Variants in PCDH7 observed in about 807,000 individuals in gnomAD.
PCDH7 encodes the protein protocadherin-7.
PCDH7 carries 17 observed loss-of-function variants against 58.9 expected under a neutral mutation model. The observed-to-expected ratio is 0.29, with a 90% confidence interval of 0.20 to 0.43. The LOEUF is 0.43. Among genes scored for constraint, PCDH7 ranks in the 20% least tolerant of loss-of-function variants. The probability of loss-of-function intolerance (pLI) is 1.00; values close to 1 mark genes in which losing one functional copy is unlikely to be tolerated. For synonymous variants in PCDH7, 664 were observed against 616.4 expected (o/e 1.08, Z -1.14); for missense variants, 1,274 against 1,441.0 (o/e 0.88, Z 1.88).
At position 30,722,234 on chromosome 4, in the gene PCDH7, G is replaced by A. The variant is rs752559162; in HGVS notation, c.812G>A (p.Arg271His). ...AAGGGGGCGCTGGACCGCGAGCAGC[G>A]CGACTCCTACGAGCTGACCCTGCGA... The change falls in exon 1 of 2, where the codon CGC (arginine) becomes CAC (histidine). Residue 271 changes from arginine to histidine, a missense_variant. Arg to His is a conservative substitution (Grantham distance 29). Transcript: ENST00000361762. This position sits in a 1 kb window ranked among gnomAD's most constrained non-coding sequence, Gnocchi z 7.6. 1.0e-5 allele frequency: 16 copies of A among 1,592,638 alleles called. No homozygotes were observed. The South Asian group carries it at 1.5e-4, about 15-fold the overall frequency.
intron 3 of PCDH7, among the ~76,000 whole-genome samples, chr4:31,026,414 C>T (rs1331728611): frequency 6.6e-6 from 1 of 152,152 alleles, no homozygotes; most frequent in Non-Finnish European, 1.5e-5. Flanking sequence ...GTTGAGATAA[C>T]AACAGTGGGC....
chr4:31,142,712 T>C (rs764975517), exon 4 of PCDH7: 66 of 1,367,552 alleles, frequency 4.8e-5, no homozygotes, highest in Non-Finnish European at 6.1e-5. Flanking sequence ...AAAGTTGACC[T>C]CATCCTATGA....
intron 1 of PCDH7, among the ~76,000 whole-genome samples, chr4:30,889,038 A>G (rs1225467512): frequency 6.7e-6 from 1 of 149,608 alleles, no homozygotes; most frequent in Non-Finnish European, 1.5e-5. Flanking sequence ...AAACTTATCC[A>G]GGCTTGGCGG....
At chr4:31,058,002 A>C (rs1005100506) in intron 3 of PCDH7, among the ~76,000 whole-genome samples, 6 of 152,100 alleles carry the variant, frequency 3.9e-5, no homozygotes, top group Non-Finnish European at 5.9e-5. Flanking sequence ...TTAAATATCC[A>C]ATTAAGTTGA....
At chr4:30,774,779 G>A (rs6820710) in intron 1 of PCDH7, among the ~76,000 whole-genome samples, 61,046 of 152,052 alleles carry the variant, frequency 0.4, 13,347 homozygotes, top group African/African-American at 0.58. Context: ...CTCAGAGGCC[G>A]TCATTCTCCT....
Position 30,721,593 on chromosome 4 carries a change from C to T in PCDH7, c.171C>T (p.Ile57=). The change falls in exon 1 of 2, where the codon ATC becomes ATT. Residue 57 remains isoleucine, a synonymous_variant. Coordinates refer to ENST00000361762, the Ensembl canonical transcript of PCDH7. This position sits in a 1 kb window ranked among gnomAD's most constrained non-coding sequence, Gnocchi z 6.7. ...GCAACGTGGCTTCAGACCTGGGCAT[C>T]GTGACCGGATCGGGTGAGGTGACTT... is the stretch of plus-strand genomic sequence containing the variant. 2 of 1,610,696 alleles carry T rather than the reference C, an allele frequency of 1.2e-6. No individual in the cohort carries two copies. The highest frequency in any genetic ancestry group is 8.5e-7 in the Non-Finnish European group (1 of 1,179,870).
At chr4:31,143,919 G>T (rs1048668365), downstream of PCDH7, 7 of 152,136 alleles carry the variant, frequency 4.6e-5, no homozygotes. Context: ...TAGGCAATTG[G>T]TTGAGGTTCA....
At position 31,102,124 on chromosome 4, in the gene PCDH7, G is replaced by A. The variant is rs115920495; in HGVS notation, c.*8-40349G>A. ...AGGTATCATTCTTAGAATTGTTACT[G>A]TAAATGAAAACTAGTATATCTGGTA... On this transcript the variant is annotated intron_variant, in intron 3 of 3. Coordinates refer to the PCDH7 transcript ENST00000509759. 6.8e-3 allele frequency among the ~76,000 whole-genome samples: 1,030 copies of A among 152,024 alleles called. 7 individuals carry two copies. Among genetic ancestry groups the A allele is most frequent in the African/African-American group, 0.017 (720 of 41,478 alleles).
chr4:31,112,124 C>T (rs1286393064), intron 3 of PCDH7, among the ~76,000 whole-genome samples: 2 of 152,158 alleles, frequency 1.3e-5, no homozygotes, highest in Non-Finnish European at 2.9e-5. Context: ...TTCTTTCAAT[C>T]CCATTTGACT....
downstream of PCDH7, among the ~76,000 whole-genome samples, chr4:30,737,455 C>G (rs1475154645): frequency 6.6e-6 from 1 of 152,096 alleles, no homozygotes; most frequent in African/African-American, 2.4e-5. Context: ...GAGGTTGAGG[C>G]TGCAGTCACC....
chr4:30,730,297 T>G (rs116367639), intron 1 of PCDH7, among the ~76,000 whole-genome samples: 2,143 of 152,128 alleles, frequency 0.014, 44 homozygotes, highest in African/African-American at 0.049. Flanking sequence ...TTTTCTTAGT[T>G]TTTTTAAAAA....
intron 3 of PCDH7, among the ~76,000 whole-genome samples, chr4:30,993,202 G>A (rs1751604036): frequency 6.6e-6 from 1 of 152,146 alleles, no homozygotes; most frequent in Non-Finnish European, 1.5e-5. Context: ...AAAGTTGGGG[G>A]AGCTAAGGTA....
intron 3 of PCDH7, among the ~76,000 whole-genome samples, chr4:31,088,471 T>C (rs1382160981): frequency 1.3e-5 from 2 of 152,058 alleles, no homozygotes; most frequent in Admixed American, 6.6e-5. Context: ...CCTTTCTTTA[T>C]ATCTCATACG....
chr4:31,077,947 A>T (rs1225429751), intron 3 of PCDH7, among the ~76,000 whole-genome samples: 1 of 152,208 alleles, frequency 6.6e-6, no homozygotes, highest in Non-Finnish European at 1.5e-5. Context: ...TAGGATCAGA[A>T]TTCTGATCCC....
chr4:30,982,076 C>A (rs1256176181), intron 3 of PCDH7, among the ~76,000 whole-genome samples: 1 of 152,032 alleles, frequency 6.6e-6, no homozygotes, highest in Non-Finnish European at 1.5e-5. Flanking sequence ...TCTTACCACA[C>A]AAAAAACGAT....
chr4:30,769,885 A>G (rs529340036), intron 1 of PCDH7, among the ~76,000 whole-genome samples: 2 of 152,360 alleles, frequency 1.3e-5, no homozygotes, highest in South Asian at 2.1e-4. Context: ...ACAAGGTGTG[A>G]TACTTTTAGT....
At chr4:30,891,289 A>T (rs1738570735) in intron 1 of PCDH7, among the ~76,000 whole-genome samples, 1 of 152,090 alleles carries the variant, frequency 6.6e-6, no homozygotes, top group African/African-American at 2.4e-5. Flanking sequence ...GTCAATCACT[A>T]AGCAAATGAG....
At chr4:30,730,303 A>T (rs990079393) in intron 1 of PCDH7, among the ~76,000 whole-genome samples, 6 of 151,850 alleles carry the variant, frequency 4.0e-5, no homozygotes, top group African/African-American at 1.2e-4. Context: ...TAGTTTTTTT[A>T]AAAAAACCCA....
intron 3 of PCDH7, among the ~76,000 whole-genome samples, chr4:31,036,100 G>A (rs780625439): frequency 4.6e-5 from 7 of 152,150 alleles, no homozygotes; most frequent in African/African-American, 1.7e-4. Context: ...AAAATGTGAA[G>A]GGTTTATTGT....
Sources: gnomAD v4.1 joint callset for allele counts (sites outside exome capture counted in the v4.1 genomes callset) on GRCh38, gnomAD v4.1.1 for gene constraint, Gnocchi (gnomAD v3.1) non-coding constraint, MANE v1.5 for transcripts, NCBI Gene and HGNC (gene_info 2026-07-23, HGNC 2026-07-21) for gene names.